FTSJ3: variants seen among roughly 807,000 people sequenced by gnomAD.
FTSJ3 encodes FtsJ RNA 2'-O-methyltransferase 3.
A neutral mutation model predicts 111.5 loss-of-function variants in FTSJ3; 46 were observed. The ratio of observed to expected loss-of-function variants is 0.41; its 90% CI spans 0.33 to 0.53. The LOEUF (loss-of-function observed/expected upper bound fraction) is 0.53. Ranked by LOEUF, FTSJ3 falls within the 20% of genes least tolerant of loss-of-function variation. The pLI is 0.19. For synonymous variants in FTSJ3, 408 were observed against 383.0 expected (o/e 1.07, Z -0.76); for missense variants, 1,075 against 1,063.8 (o/e 1.01, Z -0.15).
rs1598351057 is a variant in FTSJ3, at chr17:63,825,520, A to C, written c.400+16T>G. 1.8e-5 allele frequency: 29 copies of C among 1,613,492 alleles called. No homozygotes were observed. The East Asian group carries it at 6.2e-4, about 35-fold the overall frequency. On this transcript the variant is annotated intron_variant, in intron 6 of 20. Coordinates refer to ENST00000427159, the MANE Select transcript of FTSJ3 (RefSeq NM_017647.4). ...CTCCACCATCACCTGATCTCCAAGC[A>C]CCACACTCCCTGTACCTTGTGAGTA...
At position 63,821,827 on chromosome 17, in the gene FTSJ3, C is replaced by G. The variant is rs1478330300; in HGVS notation, c.1492G>C (p.Val498Leu). The change falls in exon 15 of 21, where the codon GTG becomes CTG. Residue 498 changes from valine (V) to leucine (L), a missense_variant. Around this residue, in one of 2 missense-constraint regions of FTSJ3, gnomAD observed 867 missense variants for 796.9 expected, o/e 1.09. Coordinates refer to ENST00000427159, the MANE Select transcript of FTSJ3 (RefSeq NM_017647.4). ...TCCTCCTCCTCTTTATCATCTTGCA[C>G]TTCAGTAAGTCGCATACTGTAGACC... ...RDQKRMRLTE[V>L]QDDKEEEEEE... 8 of 1,614,112 alleles carry G rather than the reference C, an allele frequency of 5.0e-6. No individual in the cohort carries two copies. Among genetic ancestry groups the G allele is most frequent in the Middle Eastern group, 1.6e-4 (1 of 6,062 alleles).
intron 16 of FTSJ3, 27 bp downstream of exon 16, chr17:63,821,327 T>C (rs1270185730): frequency 6.3e-7 from 1 of 1,585,494 alleles, no homozygotes; most frequent in Admixed American, 1.8e-5. Context: ...TTCCTTTCCA[T>C]CCCTTCTCTC....
Position 63,827,168 on chromosome 17 carries a change from T to C in FTSJ3, c.-143A>G. The C allele has an allele frequency of 3.3e-6, 2 of 604,356 alleles. No individual in the cohort carries two copies. The highest frequency in any genetic ancestry group is 5.9e-6 in the Non-Finnish European group (2 of 341,042). 37.4% of individuals were successfully genotyped at this position (604,356 alleles called of 1,614,324 possible). ...TCGAGGTTTTCCGCCATTTTGAGTGTGGCCCTAGATTGTTCTCAATACTCT... is the reference window on the plus strand; with the variant it reads ...TCGAGGTTTTCCGCCATTTTGAGTGCGGCCCTAGATTGTTCTCAATACTCT... On this transcript the variant is annotated 5_prime_UTR_variant, in exon 1 of 21. Transcript: ENST00000427159.
chr17:63,823,947 T>A lies in FTSJ3; in HGVS notation c.1160A>T (p.Lys387Ile). The change falls in exon 13 of 21, where the codon AAA becomes ATA. Residue 387 changes from lysine (K) to isoleucine (I), a missense_variant. Physicochemically the swap from Lys to Ile is moderately radical, Grantham distance 102. Around this residue, in one of 2 missense-constraint regions of FTSJ3, gnomAD observed 867 missense variants for 796.9 expected, o/e 1.09. Transcript: ENST00000427159. Reference protein sequence around the residue: ...AQEVAELKRKKKKLLREQRKQ... With the variant: ...AQEVAELKRKIKKLLREQRKQ... Reference sequence around the variant, plus strand: ...TCTCTGCTCACGCAACAGCTTCTTTTTCTTCCTGAGGGGGTGGATTGAGGG... The same window carrying A: ...TCTCTGCTCACGCAACAGCTTCTTTATCTTCCTGAGGGGGTGGATTGAGGG... 1.2e-6 allele frequency: 2 copies of A among 1,614,240 alleles called. No homozygotes were observed. The highest frequency in any genetic ancestry group is 1.7e-6 in the Non-Finnish European group (2 of 1,180,046).
chr17:63,825,764 T>A, intron 5 of FTSJ3, 129 bp from the exon 6 acceptor site: 1 of 746,794 alleles, frequency 1.3e-6, no homozygotes. Flanking sequence ...GGAGATACAA[T>A]AGTAAACAAA....
At position 63,826,265 on chromosome 17, in the gene FTSJ3, A is replaced by G; in HGVS notation, c.213T>C (p.Leu71=). 1 of 1,614,148 alleles carries G rather than the reference A, an allele frequency of 6.2e-7. No individual in the cohort carries two copies. ...GAGCTGTCCGTTACTCACCCACAAT[A>G]AGGCTGGATACAGGCATAAACTTGG... The part of the protein sequence containing the change: ...VAAKFMPVSS[L]IVGVDLVPIK... The change falls in exon 4 of 21, where the codon CTT becomes CTC. Residue 71 remains leucine, a synonymous_variant. Transcript: ENST00000427159.
At chr17:63,822,828 C>T (rs2040063634) in intron 13 of FTSJ3, among the ~76,000 whole-genome samples, 1 of 141,772 alleles carries the variant, frequency 7.1e-6, no homozygotes, top group Non-Finnish European at 1.6e-5. Context: ...GAGTGTTTAT[C>T]ACATATGAGG....
chr17:63,824,286 C>T (rs762068811), intron 11 of FTSJ3, 45 bp downstream of exon 11: 8 of 1,614,150 alleles, frequency 5.0e-6, no homozygotes, highest in Non-Finnish European at 6.8e-6. Context: ...AGACTTTTCC[C>T]CTGGACACCC....
Position 63,821,707 on chromosome 17 carries a change from C to T in FTSJ3, c.1596+16G>A, listed in dbSNP as rs770523814. On this transcript the variant is annotated intron_variant, in intron 15 of 20. Coordinates refer to ENST00000427159, the MANE Select transcript of FTSJ3 (RefSeq NM_017647.4). ...AGACTCATCTCCCCGCAGTCTTGCC[C>T]CCGGCCTCTCCTTACCTTTGAGAAC... 4.3e-6 allele frequency: 7 copies of T among 1,614,188 alleles called. No individual in the cohort carries two copies. In the Admixed American group the frequency reaches 1.0e-4, roughly 23 times the overall value.
In FTSJ3 at chr17:63,820,088, T is replaced by G; in HGVS notation, c.2342A>C (p.Gln781Pro). Residue 781 changes from glutamine (Q) to proline (P), a missense_variant, in exon 20 of 21, where the codon CAG becomes CCG. By Grantham distance (76) the Gln-to-Pro change is moderately conservative. Around this residue, in one of 2 missense-constraint regions of FTSJ3, gnomAD observed 867 missense variants for 796.9 expected, o/e 1.09. Transcript: ENST00000427159. ...GGTGTCCTCCCATTACCTTCGCAGC[T>G]GTGCCACTTTCTCTCGTTCTGAGAT... ...VDISEREKVA[Q>P]LRSLYKKAGL... 6.2e-7 allele frequency: 1 copy of G among 1,614,206 alleles called. No individual in the cohort carries two copies. Among genetic ancestry groups the G allele is most frequent in the Non-Finnish European group, 8.5e-7 (1 of 1,180,038 alleles).
rs201755066 is a variant in FTSJ3 at position 63,819,930 on chromosome 17, C to A, written c.2416G>T (p.Gly806Cys). Residue 806 changes from glycine to cysteine, a missense_variant, in exon 21 of 21, where the codon GGT becomes TGT. By Grantham distance (159) the Gly-to-Cys change is radical. Coordinates refer to ENST00000427159, the MANE Select transcript of FTSJ3 (RefSeq NM_017647.4). ...GGCCGGCGCACTTTGCGGCCCACAC[C>A]TTTTTTGGCTACAACGTAGGTGACA... ...RHVTYVVAKK[G>C]VGRKVRRPAG... 1 of 1,614,184 alleles carries A rather than the reference C, an allele frequency of 6.2e-7. No individual in the cohort carries two copies. The highest frequency in any genetic ancestry group is 1.7e-5 in the Admixed American group (1 of 60,024).
In FTSJ3 at chr17:63,819,823, C is replaced by T. The variant is rs779366840; in HGVS notation, c.2523G>A (p.Lys841=). ...CTGCTTACTTCCGTTTGTGTTTTTT[C>T]TTTTGTTCCTTACGTTGCTGTGCTC... ...DQRAQQRKEQ[K]KKHKRK The change falls in exon 21 of 21, where the codon AAG becomes AAA. Residue 841 remains lysine (K), a synonymous_variant. Transcript: ENST00000427159. The T allele has an allele frequency of 6.1e-5, 99 of 1,612,012 alleles. No individual in the cohort carries two copies. In the Middle Eastern group the frequency reaches 8.3e-4, roughly 13 times the overall value.
intron 10 of FTSJ3, 51 bp downstream of exon 10, chr17:63,824,586 C>G: frequency 1.3e-6 from 2 of 1,498,270 alleles, no homozygotes; most frequent in Non-Finnish European, 1.9e-6. Context: ...AACATCATGG[C>G]CTTTCCCTGC....
intron 13 of FTSJ3, chr17:63,823,613 T>C: frequency 2.0e-6 from 1 of 508,426 alleles, no homozygotes; most frequent in Non-Finnish European, 3.5e-6. Context: ...AAAAAATAAA[T>C]CTATCACACT....
Position 63,820,324 on chromosome 17 carries a change from T to C in FTSJ3, c.2187A>G (p.Lys729=), listed in dbSNP as rs770743523. Residue 729 remains lysine (K), a synonymous_variant, in exon 19 of 21, where the codon AAA becomes AAG. Coordinates refer to ENST00000427159, the MANE Select transcript of FTSJ3 (RefSeq NM_017647.4). Reference sequence around the variant, plus strand: ...GACGTGCATTGATTTCCCGCCAGCGTTTCCGGTAATGCTCCACCTCCTTCT... The same window carrying C: ...GACGTGCATTGATTTCCCGCCAGCGCTTCCGGTAATGCTCCACCTCCTTCT... ...VGKKEVEHYR[K]RWREINARPI... is the part of the protein sequence containing the mutation. 25 of 1,613,634 alleles carry C rather than the reference T, an allele frequency of 1.5e-5. No homozygotes were observed. Among genetic ancestry groups the C allele is most frequent in the Non-Finnish European group, 1.7e-5 (20 of 1,179,988 alleles).
rs895432096 is a variant in FTSJ3, at chr17:63,819,891, C to T, written c.2455G>A (p.Gly819Ser). Residue 819 changes from glycine (G) to serine (S), a missense_variant, in exon 21 of 21, where the codon GGT (glycine) becomes AGT (serine). This residue lies in a region of FTSJ3 where 867 missense variants were observed against 796.9 expected (regional missense o/e 1.09). Coordinates refer to ENST00000427159, the MANE Select transcript of FTSJ3 (RefSeq NM_017647.4). The part of the protein sequence containing the change: ...RKVRRPAGVR[G>S]HFKVVDSRMK... ...CTTGAGTCCACCACCTTGAAATGACCTCTGACTCCAGCTGGCCGGCGCACT... is the reference window on the plus strand; with the variant it reads ...CTTGAGTCCACCACCTTGAAATGACTTCTGACTCCAGCTGGCCGGCGCACT... 4 of 1,614,180 alleles carry T rather than the reference C, an allele frequency of 2.5e-6. No homozygotes were observed. The highest frequency in any genetic ancestry group is 3.4e-6 in the Non-Finnish European group (4 of 1,180,028).
chr17:63,824,593 C>T (rs761381509), intron 10 of FTSJ3, 44 bp downstream of exon 10: 5 of 1,534,392 alleles, frequency 3.3e-6, no homozygotes, highest in Non-Finnish European at 4.5e-6. Context: ...TGGCCTTTCC[C>T]TGCCTCCAGG....
In FTSJ3 at chr17:63,821,041, A is replaced by G. The variant is rs746133219; in HGVS notation, c.1961T>C (p.Ile654Thr). The change falls in exon 17 of 21, where the codon ATT becomes ACT. Residue 654 changes from isoleucine to threonine, a missense_variant. Around this residue, in one of 2 missense-constraint regions of FTSJ3, gnomAD observed 867 missense variants for 796.9 expected, o/e 1.09. Coordinates refer to ENST00000427159, the MANE Select transcript of FTSJ3 (RefSeq NM_017647.4). ...TACAGAGCTCTCACCTGGGTCCTCA[A>G]TAGGCACTATCTCAAACCCGTCATC... ...SDDDGFEIVP[I>T]EDPAKHRILD... 1.6e-5 allele frequency: 26 copies of G among 1,613,996 alleles called. No individual in the cohort carries two copies. The highest frequency in any genetic ancestry group is 4.4e-5 in the South Asian group (4 of 91,080).
At position 63,820,692 on chromosome 17, in the gene FTSJ3, T is replaced by G. The variant is rs902454516; in HGVS notation, c.2072+147A>C. On this transcript the variant is annotated intron_variant, in intron 18 of 20. Transcript: ENST00000427159. Reference sequence around the variant, plus strand: ...TACTCAGAAGGCTGACTCAAGCGATTCAAGGAGAATCAGGCTGCAGTGAGC... The same window carrying G: ...TACTCAGAAGGCTGACTCAAGCGATGCAAGGAGAATCAGGCTGCAGTGAGC... 9.2e-5 allele frequency: 19 copies of G among 207,484 alleles called. No individual in the cohort carries two copies. The African/African-American group carries it at 2.3e-3, about 25-fold the overall frequency. The allele number at this position is 207,484 out of a possible 1,614,324, so 12.9% of individuals were successfully genotyped here.
Sources: allele counts gnomAD v4.1 joint callset (sites outside exome capture counted in the v4.1 genomes callset), GRCh38; gene constraint gnomAD v4.1.1; regional missense constraint gnomAD v4.1.1; transcripts MANE v1.5; gene names NCBI Gene and HGNC (gene_info 2026-07-23, HGNC 2026-07-21).